Variants in RLIG1 observed in about 807,000 individuals in gnomAD.
RLIG1 encodes RNA 5'-phosphate and 3'-OH ligase 1.
the RLIG1 span, among the ~76,000 whole-genome samples, chr12:88,038,568 T>C: frequency 2.0e-5 from 3 of 152,176 alleles, no homozygotes; most frequent in African/African-American, 7.2e-5. Flanking sequence ...AAATAAACCA[T>C]AGCTGATACA....
chr12:88,042,861 C>T, the RLIG1 span: 1 of 1,557,290 alleles, frequency 6.4e-7, no homozygotes, highest in Non-Finnish European at 8.6e-7. Context: ...GATAGAAAAC[C>T]CAACAAACAA....
the RLIG1 span, among the ~76,000 whole-genome samples, chr12:88,040,833 AC>A: frequency 6.6e-6 from 1 of 152,206 alleles, no homozygotes; most frequent in African/African-American, 2.4e-5. Flanking sequence ...CGGTGAGATT[AC>A]CTCTCACTTC....
the RLIG1 span, chr12:88,035,681 G>A: frequency 7.5e-6 from 12 of 1,609,138 alleles, no homozygotes; most frequent in Non-Finnish European, 1.0e-5. Flanking sequence ...AGCGGAAAAT[G>A]CCGTGTGTGT....
At chr12:88,037,975 C>T in the RLIG1 span, among the ~76,000 whole-genome samples, 4 of 152,206 alleles carry the variant, frequency 2.6e-5, no homozygotes, top group South Asian at 8.3e-4. Context: ...ATGTAAACAG[C>T]TGACTACTGA....
the RLIG1 span, chr12:88,046,945 T>A: frequency 4.3e-6 from 7 of 1,611,906 alleles, no homozygotes; most frequent in Non-Finnish European, 5.9e-6. Context: ...GAAGGAATAG[T>A]GTGGCATTGC....
chr12:88,048,272 A>T, the RLIG1 span: 1 of 1,595,522 alleles, frequency 6.3e-7, no homozygotes, highest in Non-Finnish European at 8.5e-7. Flanking sequence ...GGCCAATTCC[A>T]GATACTTACA....
chr12:88,048,377 T>TA, the RLIG1 span: 3 of 1,579,006 alleles, frequency 1.9e-6, no homozygotes, highest in Admixed American at 5.2e-5. Flanking sequence ...TAAAAATAGA[T>TA]AATCAGAAAT....
chr12:88,037,249 T>C, the RLIG1 span, among the ~76,000 whole-genome samples: 25 of 152,200 alleles, frequency 1.6e-4, no homozygotes, highest in Middle Eastern at 3.2e-3. Context: ...TAAAATCTTA[T>C]CAATTTAGCC....
At chr12:88,048,084 A>C in the RLIG1 span, 2 of 452,460 alleles carry the variant, frequency 4.4e-6, no homozygotes, top group Admixed American at 8.5e-5. Flanking sequence ...AATATGTAAT[A>C]TGTCAGGAGA....
At chr12:88,045,826 A>C in the RLIG1 span, 1 of 1,486,480 alleles carries the variant, frequency 6.7e-7, no homozygotes, top group African/African-American at 1.4e-5. Context: ...TGACATTTAT[A>C]AAGAGAACTT....
chr12:88,040,401 A>G, the RLIG1 span: 3 of 519,922 alleles, frequency 5.8e-6, no homozygotes, highest in South Asian at 5.3e-5. Context: ...AAAGGTCACA[A>G]TTGTTATAGT....
chr12:88,042,068 G>A, the RLIG1 span: 1 of 152,126 alleles, frequency 6.6e-6, no homozygotes, highest in Non-Finnish European at 1.5e-5. Context: ...TCACAGTAAG[G>A]AGTATGGAGA....
chr12:88,042,903 C>A, the RLIG1 span: 1 of 1,562,144 alleles, frequency 6.4e-7, no homozygotes, highest in South Asian at 1.2e-5. Flanking sequence ...TTTCTACATT[C>A]AAAAGAAAAC....
At chr12:88,046,925 G>T in the RLIG1 span, 1 of 1,612,496 alleles carries the variant, frequency 6.2e-7, no homozygotes, top group Non-Finnish European at 8.5e-7. Context: ...ATTGCAAAGA[G>T]GGTAAAATTG....
the RLIG1 span, chr12:88,035,956 A>G: frequency 5.9e-6 from 9 of 1,524,276 alleles, no homozygotes; most frequent in African/African-American, 1.4e-5. Flanking sequence ...GGAATTTGCG[A>G]AAGAATTTTC....
chr12:88,046,823 A>C, the RLIG1 span: 1 of 1,609,732 alleles, frequency 6.2e-7, no homozygotes, highest in South Asian at 1.1e-5. Flanking sequence ...GGAGCAAGAA[A>C]CATCCATTAC....
the RLIG1 span, chr12:88,040,025 T>G: frequency 1.5e-6 from 1 of 688,034 alleles, no homozygotes; most frequent in Non-Finnish European, 2.6e-6. Flanking sequence ...TAAATCATTC[T>G]GAAAGATGAA....
chr12:88,050,011 A>T, the RLIG1 span: 1 of 188,664 alleles, frequency 5.3e-6, no homozygotes, highest in African/African-American at 2.4e-5. Context: ...AACAGCAAAT[A>T]TTTTTTTAAG....
chr12:88,037,305 T>C, the RLIG1 span, among the ~76,000 whole-genome samples: 1 of 152,202 alleles, frequency 6.6e-6, no homozygotes, highest in African/African-American at 2.4e-5. Flanking sequence ...GGCCACTCAA[T>C]TGATATTCAC....
Sources: allele counts gnomAD v4.1 joint callset (sites outside exome capture counted in the v4.1 genomes callset), GRCh38; gene constraint gnomAD v4.1.1; transcripts MANE v1.5; gene names NCBI Gene and HGNC (gene_info 2026-07-23, HGNC 2026-07-21).